The following EXOSC4 variants were observed in gnomAD, a reference collection of about 807,000 sequenced individuals.
EXOSC4 encodes exosome component 4.
In EXOSC4, 14 loss-of-function variants were observed where a neutral mutation model predicts 20.0. The ratio of observed to expected loss-of-function variants is 0.70; its 90% CI spans 0.46 to 1.09. The LOEUF is 1.09. EXOSC4 is among the 50% of genes least tolerant of loss of function. The pLI, the probability that EXOSC4 is intolerant of heterozygous loss-of-function variation, is 0.00. For synonymous variants in EXOSC4, 148 were observed against 146.4 expected (o/e 1.01, Z -0.08); for missense variants, 337 against 334.0 (o/e 1.01, Z -0.07).
At chr8:144,071,170 C>T in the EXOSC4 span, among the ~76,000 whole-genome samples, 2 of 90,490 alleles carry the variant, frequency 2.2e-5, no homozygotes, top group Admixed American at 1.1e-4. Context: ...TTTCTCCCTC[C>T]CCTCCCCCTC....
At chr8:144,079,595 G>A in intron 1 of EXOSC4, 1 of 407,222 alleles carries the variant, frequency 2.5e-6, no homozygotes, top group South Asian at 2.0e-5. Context: ...TGAGGACTTA[G>A]GGTTTTGTAG....
At chr8:144,073,820 T>C (rs1185621903), upstream of EXOSC4, among the ~76,000 whole-genome samples, 2 of 151,098 alleles carry the variant, frequency 1.3e-5, no homozygotes, top group Non-Finnish European at 3.0e-5. Flanking sequence ...CATTGCACTC[T>C]AGCCTGGGTG....
At chr8:144,076,965 G>A (rs781953309), upstream of EXOSC4, among the ~76,000 whole-genome samples, 39 of 152,242 alleles carry the variant, frequency 2.6e-4, no homozygotes, top group Middle Eastern at 0.01. Context: ...CAGCTACCTG[G>A]GAGGCTGAGG....
chr8:144,068,909 C>A, the EXOSC4 span, among the ~76,000 whole-genome samples: 1 of 152,208 alleles, frequency 6.6e-6, no homozygotes, highest in Admixed American at 6.5e-5. Flanking sequence ...GGCCACCACG[C>A]CCACCCCCAG....
At chr8:144,068,574 C>A in the EXOSC4 span, among the ~76,000 whole-genome samples, 1 of 152,198 alleles carries the variant, frequency 6.6e-6, no homozygotes, top group African/African-American at 2.4e-5. Flanking sequence ...CAGGGCAGGA[C>A]GCCCAGTGGG....
chr8:144,064,675 C>T, the EXOSC4 span, among the ~76,000 whole-genome samples: 1 of 152,128 alleles, frequency 6.6e-6, no homozygotes, highest in Non-Finnish European at 1.5e-5. Context: ...CACATCTGGG[C>T]CATAACCTCA....
the EXOSC4 span, among the ~76,000 whole-genome samples, chr8:144,070,929 G>A: frequency 2.0e-5 from 3 of 151,978 alleles, no homozygotes; most frequent in South Asian, 4.2e-4. Flanking sequence ...GGTGGTGAGC[G>A]CTAAACTAGG....
At chr8:144,078,380 G>A, upstream of EXOSC4, 1 of 203,632 alleles carries the variant, frequency 4.9e-6, no homozygotes, top group Non-Finnish European at 9.8e-6. The surrounding 1 kb of genome is among the most constrained non-coding windows in gnomAD (Gnocchi z 4.7). Flanking sequence ...CCACCTCCTG[G>A]CACCCGTGGC....
chr8:144,064,712 C>T, the EXOSC4 span, among the ~76,000 whole-genome samples: 2 of 152,206 alleles, frequency 1.3e-5, no homozygotes. Flanking sequence ...AGGCGGCCCA[C>T]CAGAGGCTGA....
intron 1 of EXOSC4, chr8:144,079,416 G>A: frequency 3.8e-6 from 1 of 262,190 alleles, no homozygotes; most frequent in Non-Finnish European, 7.6e-6. Flanking sequence ...GGTATTGAAA[G>A]AGTGTTTGCT....
At chr8:144,078,634 A>C (rs577014328), upstream of EXOSC4, 3 of 1,303,050 alleles carry the variant, frequency 2.3e-6, no homozygotes, top group Non-Finnish European at 3.0e-6. This position sits in a 1 kb window ranked among gnomAD's most constrained non-coding sequence, Gnocchi z 4.7. Flanking sequence ...GGACCTCCGG[A>C]AACCGTAGAT....
rs1554763381 is a variant in EXOSC4 at position 144,080,608 on chromosome 8, A to T, written c.*7A>T. On this transcript the variant is annotated 3_prime_UTR_variant, in exon 3 of 3. Transcript: ENST00000316052. The surrounding 1 kb of genome is among the most constrained non-coding windows in gnomAD (Gnocchi z 4.9). ...TATCTTGCTGGGGGACTGACCACCC[A>T]GCCACCCATGTCCAGAATAAAACCC... 3 of 1,595,440 alleles carry T rather than the reference A, an allele frequency of 1.9e-6. No individual in the cohort carries two copies. In the South Asian group the frequency reaches 3.3e-5, roughly 18 times the overall value.
In EXOSC4 at chr8:144,078,708, C is replaced by G; in HGVS notation, c.-21C>G. On this transcript the variant is annotated 5_prime_UTR_variant, in exon 1 of 3. Transcript: ENST00000316052. This position sits in a 1 kb window ranked among gnomAD's most constrained non-coding sequence, Gnocchi z 4.7. Reference sequence around the variant, plus strand: ...GCGGCTCAGAGAAGTAGGCAGAGAGCGGACCTGGCGGCCGGGCAGCATGGC... The same window carrying G: ...GCGGCTCAGAGAAGTAGGCAGAGAGGGGACCTGGCGGCCGGGCAGCATGGC... 7.1e-7 allele frequency: 1 copy of G among 1,416,588 alleles called. No homozygotes were observed. Among genetic ancestry groups the G allele is most frequent in the Non-Finnish European group, 9.2e-7 (1 of 1,081,196 alleles). 87.8% of individuals were successfully genotyped at this position (1,416,588 alleles called of 1,614,324 possible). A position where few individuals can be genotyped will look rare whatever the true frequency, so the allele number is the denominator to read the frequency against.
chr8:144,077,956 C>T (rs181263121), upstream of EXOSC4: 5 of 152,332 alleles, frequency 3.3e-5, no homozygotes, highest in Admixed American at 3.3e-4. Context: ...ATCCTAAGTG[C>T]AAACTATCTA....
upstream of EXOSC4, among the ~76,000 whole-genome samples, chr8:144,076,388 G>C (rs1554762699): frequency 1.3e-5 from 2 of 152,128 alleles, no homozygotes; most frequent in Non-Finnish European, 2.9e-5. Context: ...TAGCAAATCG[G>C]TTACTCTGGA....
chr8:144,079,964 GCCCTGCCGGACA>G lies in EXOSC4; in HGVS notation c.194_205del (p.Ala65_Arg69delinsGly), dbSNP rs781904936. ...CCAGATCCGGGGCTCCCGGGCTCGA[GCCCTGCCGGACA>G]GGGCCCTAGTGAACTGTCAATATAG... On this transcript the variant is annotated inframe_deletion, in exon 2 of 3. Coordinates refer to ENST00000316052, the MANE Select transcript of EXOSC4 (RefSeq NM_019037.3). 510 of 1,614,052 alleles carry G rather than the reference GCCCTGCCGGACA, an allele frequency of 3.2e-4. No homozygotes were observed. Among genetic ancestry groups the G allele is most frequent in the Non-Finnish European group, 4.1e-4 (482 of 1,180,028 alleles).
chr8:144,065,566 TA>T, the EXOSC4 span, among the ~76,000 whole-genome samples: 100 of 145,130 alleles, frequency 6.9e-4, no homozygotes, highest in Non-Finnish European at 5.9e-4. Context: ...CCATCTCTAC[TA>T]AAAAAAAAAA....
At chr8:144,072,351 T>A in the EXOSC4 span, among the ~76,000 whole-genome samples, 1 of 152,160 alleles carries the variant, frequency 6.6e-6, no homozygotes, top group Admixed American at 6.5e-5. Flanking sequence ...GGGCTAATTT[T>A]TATATTTTTA....
chr8:144,074,935 A>G (rs566731519), upstream of EXOSC4, among the ~76,000 whole-genome samples: 194 of 152,340 alleles, frequency 1.3e-3, 1 homozygote, highest in Middle Eastern at 6.8e-3. Context: ...CTCCAATTTA[A>G]TGACAATTCT....
Sources: allele counts gnomAD v4.1 joint callset (sites outside exome capture counted in the v4.1 genomes callset), GRCh38; gene constraint gnomAD v4.1.1; non-coding constraint Gnocchi (gnomAD v3.1); transcripts MANE v1.5; gene names NCBI Gene and HGNC (gene_info 2026-07-23, HGNC 2026-07-21).